MYLK: variants seen among roughly 807,000 people sequenced by gnomAD.
The protein encoded by MYLK is myosin light chain kinase.
Under a neutral mutation model 203.4 loss-of-function variants are expected in MYLK, and 106 were observed. The observed-to-expected ratio is 0.52, with a 90% CI of 0.45 to 0.61. The LOEUF (loss-of-function observed/expected upper bound fraction) is 0.61. MYLK is among the 20% of genes least tolerant of loss of function. The pLI is 0.00. For missense variants in MYLK, 2,072 were observed against 2,442.3 expected (o/e 0.85, Z 3.20); for synonymous variants, 867 against 959.5 (o/e 0.90, Z 1.78).
At chr3:123,682,435 G>A in intron 19 of MYLK, 125 bp from the exon 20 acceptor site, 1 of 769,914 alleles carries the variant, frequency 1.3e-6, no homozygotes, top group East Asian at 2.7e-5. Context: ...TGTGCCCGCT[G>A]GGCAGAACAG....
At chr3:123,829,455 G>T in intron 3 of MYLK, among the ~76,000 whole-genome samples, 1 of 152,140 alleles carries the variant, frequency 6.6e-6, no homozygotes, top group Non-Finnish European at 1.5e-5. Context: ...GTAGGAAGAA[G>T]GGTGGGATAG....
At chr3:123,820,968 A>C (rs1373718757) in intron 3 of MYLK, among the ~76,000 whole-genome samples, 2 of 152,062 alleles carry the variant, frequency 1.3e-5, no homozygotes, top group Non-Finnish European at 2.9e-5. Context: ...ACCTCAAGTG[A>C]TCCACCCACC....
chr3:123,661,779 G>A (rs182535560), intron 23 of MYLK, among the ~76,000 whole-genome samples: 13 of 152,274 alleles, frequency 8.5e-5, no homozygotes, highest in Admixed American at 8.5e-4. Flanking sequence ...GTGGGGAGTG[G>A]ATGCTGGAGC....
intron 29 of MYLK, among the ~76,000 whole-genome samples, chr3:123,635,810 T>A (rs1486409228): frequency 6.6e-6 from 1 of 152,180 alleles, no homozygotes; most frequent in African/African-American, 2.4e-5. Context: ...ACCAGAATGC[T>A]TCCAATGGCC....
At chr3:123,675,834 G>C (rs1560055107) in intron 20 of MYLK, among the ~76,000 whole-genome samples, 1 of 152,156 alleles carries the variant, frequency 6.6e-6, no homozygotes, top group Non-Finnish European at 1.5e-5. Flanking sequence ...CTACCACACT[G>C]GCCCTGGGTG....
intron 19 of MYLK, chr3:123,691,922 G>GC (rs1383585249): frequency 6.6e-6 from 1 of 152,272 alleles, no homozygotes; most frequent in Non-Finnish European, 1.5e-5. Context: ...GGGCCAGAGA[G>GC]CCCCCCTCCA....
At position 123,701,487 on chromosome 3, in the gene MYLK, A is replaced by T; in HGVS notation, c.2413T>A (p.Cys805Ser). Residue 805 changes from cysteine to serine, a missense_variant, in exon 17 of 34, where the codon TGC becomes AGC. Physicochemically the swap from Cys to Ser is moderately radical, Grantham distance 112. This residue lies in a region of MYLK where 865 missense variants were observed against 1,016.0 expected (regional missense o/e 0.85). Transcript: ENST00000360304. ...TTCTGTAGCATCAGTGACACCTGGC[A>T]ACTGCATTCGCCAACCCGGTTCCTG... Reference protein sequence around the residue: ...LLKNRVGECSCQVSLMLQNSS... With the variant: ...LLKNRVGECSSQVSLMLQNSS... The T allele has an allele frequency of 6.2e-7, 1 of 1,614,092 alleles. No homozygotes were observed. Among genetic ancestry groups the T allele is most frequent in the Non-Finnish European group, 8.5e-7 (1 of 1,180,026 alleles).
chr3:123,664,331 A>G, intron 22 of MYLK, 73 bp from the exon 23 acceptor site: 1 of 1,587,982 alleles, frequency 6.3e-7, no homozygotes, highest in East Asian at 2.2e-5. Context: ...GCTCCTCCCC[A>G]TTCCCTACTT....
chr3:123,795,236 A>G (rs756423171), intron 3 of MYLK, among the ~76,000 whole-genome samples: 6 of 152,160 alleles, frequency 3.9e-5, no homozygotes, highest in Non-Finnish European at 8.8e-5. Context: ...AAGGGGGAAA[A>G]GTTGCTTTTA....
intron 2 of MYLK, among the ~76,000 whole-genome samples, chr3:123,838,722 T>C (rs1004023108): frequency 2.6e-5 from 4 of 152,196 alleles, no homozygotes; most frequent in Non-Finnish European, 5.9e-5. Context: ...GAAAGATATA[T>C]GTTGTAAACA....
chr3:123,635,073 C>T (rs545452611), intron 29 of MYLK, among the ~76,000 whole-genome samples: 4 of 152,318 alleles, frequency 2.6e-5, no homozygotes, highest in Admixed American at 6.5e-5. Context: ...TATGGTGACA[C>T]GGTCTGTTGC....
At chr3:123,803,867 C>T (rs760555057) in intron 3 of MYLK, among the ~76,000 whole-genome samples, 2 of 152,246 alleles carry the variant, frequency 1.3e-5, no homozygotes, top group African/African-American at 4.8e-5. Context: ...TCCTCTGCTT[C>T]TGGCCAGCTC....
chr3:123,799,368 T>C (rs1395620558), intron 3 of MYLK, among the ~76,000 whole-genome samples: 1 of 152,158 alleles, frequency 6.6e-6, no homozygotes, highest in Non-Finnish European at 1.5e-5. Context: ...CGAAAAGAGA[T>C]TGTAACTATA....
chr3:123,681,636 T>G, intron 20 of MYLK: 1 of 163,832 alleles, frequency 6.1e-6, no homozygotes, highest in Non-Finnish European at 1.3e-5. Context: ...TAGTGTGCAG[T>G]GAAGAGCTCA....
chr3:123,792,179 C>T (rs567329454), intron 4 of MYLK, among the ~76,000 whole-genome samples: 37 of 152,296 alleles, frequency 2.4e-4, no homozygotes, highest in Middle Eastern at 3.4e-3. Flanking sequence ...ACATAGAGGC[C>T]GCCATCTCTT....
At chr3:123,763,329 T>C (rs906238173) in intron 4 of MYLK, among the ~76,000 whole-genome samples, 3 of 152,202 alleles carry the variant, frequency 2.0e-5, no homozygotes, top group Admixed American at 1.3e-4. Context: ...CCTCCTCTAA[T>C]CTAAACTGGA....
chr3:123,649,334 C>T (rs2059130555), intron 24 of MYLK, 140 bp from the exon 25 acceptor site: 1 of 1,103,660 alleles, frequency 9.1e-7, no homozygotes, highest in East Asian at 2.5e-5. Flanking sequence ...TCTGGGCATC[C>T]CCTGGGGCTG....
chr3:123,764,380 A>T (rs1351124018), intron 4 of MYLK, among the ~76,000 whole-genome samples: 1 of 152,210 alleles, frequency 6.6e-6, no homozygotes, highest in Non-Finnish European at 1.5e-5. Flanking sequence ...AAATTAAAAC[A>T]TCAACATCAA....
chr3:123,831,122 C>T (rs2148622202), intron 3 of MYLK, among the ~76,000 whole-genome samples: 1 of 152,262 alleles, frequency 6.6e-6, no homozygotes, highest in Non-Finnish European at 1.5e-5. Context: ...TGCCAAGGAA[C>T]CATGGAGTCA....
Sources: gnomAD v4.1 joint callset for allele counts (sites outside exome capture counted in the v4.1 genomes callset) on GRCh38, gnomAD v4.1.1 for gene constraint, gnomAD v4.1.1 regional missense constraint, MANE v1.5 for transcripts, NCBI Gene and HGNC (gene_info 2026-07-23, HGNC 2026-07-21) for gene names.